Variants in TEK observed in about 807,000 individuals in gnomAD.
TEK encodes the protein angiopoietin-1 receptor.
Under a neutral mutation model 131.8 loss-of-function variants are expected in TEK, and 43 were observed. The ratio of observed to expected loss-of-function variants is 0.33; its 90% confidence interval spans 0.26 to 0.42. The LOEUF (loss-of-function observed/expected upper bound fraction) is 0.42, where lower values mean the gene tolerates loss of function less well. Among genes scored for constraint, TEK ranks in the 10% least tolerant of loss-of-function variants. The pLI is 1.00. For synonymous variants in TEK, 580 were observed against 491.6 expected (o/e 1.18, Z -2.38); for missense variants, 1,162 against 1,384.4 (o/e 0.84, Z 2.55).
intron 18 of TEK, among the ~76,000 whole-genome samples, chr9:27,216,854 A>G (rs1195950054): frequency 6.6e-6 from 1 of 152,124 alleles, no homozygotes. Flanking sequence ...TGCCACTGTG[A>G]AAGTCTGGAC....
intron 1 of TEK, among the ~76,000 whole-genome samples, chr9:27,138,783 C>T (rs997901944): frequency 2.0e-4 from 31 of 152,220 alleles, no homozygotes; most frequent in African/African-American, 6.3e-4. Context: ...TTCGTATATG[C>T]GTGTTACTAG....
intron 1 of TEK, among the ~76,000 whole-genome samples, chr9:27,114,833 G>A (rs1254629546): frequency 6.6e-6 from 1 of 152,156 alleles, no homozygotes. Context: ...TTGTATGATT[G>A]TTGAATATTA....
At chr9:27,109,723 A>G in intron 1 of TEK, 81 bp downstream of exon 1, 1 of 1,398,060 alleles carries the variant, frequency 7.2e-7, no homozygotes, top group African/African-American at 1.4e-5. Flanking sequence ...CCCAAATCTC[A>G]TCAGTGCTGA....
chr9:27,129,546 G>T (rs1047328836), intron 1 of TEK, among the ~76,000 whole-genome samples: 1 of 152,030 alleles, frequency 6.6e-6, no homozygotes, highest in Admixed American at 6.6e-5. Context: ...ATCTCCTCTG[G>T]AAATCTTAGC....
intron 1 of TEK, among the ~76,000 whole-genome samples, chr9:27,115,630 CTT>C (rs1821524916): frequency 6.6e-6 from 1 of 152,186 alleles, no homozygotes; most frequent in Non-Finnish European, 1.5e-5. Context: ...ATTTTTCTGT[CTT>C]TGCAAGAACT....
intron 9 of TEK, among the ~76,000 whole-genome samples, chr9:27,186,647 C>A (rs932224539): frequency 2.0e-5 from 3 of 152,298 alleles, no homozygotes; most frequent in African/African-American, 7.2e-5. Context: ...TGACTCCAAA[C>A]CCAGCACTAT....
chr9:27,163,104 C>T (rs995279723), intron 2 of TEK, among the ~76,000 whole-genome samples: 4 of 152,194 alleles, frequency 2.6e-5, no homozygotes, highest in African/African-American at 7.2e-5. Flanking sequence ...ATATGTATTA[C>T]TAACTTAGTC....
chr9:27,227,104 T>TAAA (rs1826366006), intron 21 of TEK, among the ~76,000 whole-genome samples: 1 of 152,164 alleles, frequency 6.6e-6, no homozygotes, highest in African/African-American at 2.4e-5. Context: ...TATGTTAAAG[T>TAAA]GTAAGCTGTT....
intron 18 of TEK, 37 bp downstream of exon 18, chr9:27,213,634 C>G: frequency 6.7e-7 from 1 of 1,486,280 alleles, no homozygotes; most frequent in South Asian, 1.1e-5. Flanking sequence ...GCATCCTTTC[C>G]GAGGTACTCC....
chr9:27,206,532 A>T (rs1414824610), intron 14 of TEK, 50 bp from the exon 15 acceptor site: 1 of 1,573,172 alleles, frequency 6.4e-7, no homozygotes, highest in Non-Finnish European at 8.7e-7. Flanking sequence ...TATGCCCCTT[A>T]GAATTATGAA....
intron 14 of TEK, among the ~76,000 whole-genome samples, chr9:27,205,913 A>G (rs536264528): frequency 1.3e-5 from 2 of 152,308 alleles, no homozygotes; most frequent in East Asian, 1.9e-4. Context: ...TCCATGCCAG[A>G]GCTGGCTCAA....
At chr9:27,121,349 A>G (rs1821782987) in intron 1 of TEK, among the ~76,000 whole-genome samples, 1 of 152,118 alleles carries the variant, frequency 6.6e-6, no homozygotes, top group South Asian at 2.1e-4. Context: ...TAAAAAAAAT[A>G]GCTTTGCTTT....
Position 27,209,585 on chromosome 9 carries a change from A to C in TEK, c.2686+354A>C, listed in dbSNP as rs1057296594. 2.0e-5 allele frequency among the ~76,000 whole-genome samples: 3 copies of C among 152,292 alleles called. No individual in the cohort carries two copies. The East Asian group carries it at 5.8e-4, about 29-fold the overall frequency. ...ATCAGCTTCTTAATTGCCTACCTTT[A>C]CATTTTTCCTGGAAACCCAGGGAAT... On this transcript the variant is annotated intron_variant, in intron 16 of 22. Coordinates refer to ENST00000380036, the MANE Select transcript of TEK (RefSeq NM_000459.5).
rs1384124068 is a variant in TEK, at chr9:27,109,407, C to T, written c.-184C>T. The T allele has an allele frequency of 1.1e-5, 8 of 700,358 alleles. No individual in the cohort carries two copies. In the East Asian group the frequency reaches 2.0e-4, roughly 17 times the overall value. 43.4% of individuals were successfully genotyped at this position (700,358 alleles called of 1,614,324 possible). On this transcript the variant is annotated 5_prime_UTR_variant, in exon 1 of 23. Transcript: ENST00000380036. The stretch of plus-strand genomic sequence containing the variant: ...AACAGGAAAAAGGAACTTAAAACTC[C>T]CTGTGCTCAGACAGAAATGAGACTG...
At chr9:27,132,085 C>G (rs13291868) in intron 1 of TEK, among the ~76,000 whole-genome samples, 1 of 135,828 alleles carries the variant, frequency 7.4e-6, no homozygotes, top group African/African-American at 2.7e-5. Flanking sequence ...TATTTTTATT[C>G]TTTTTTTTTT....
At chr9:27,163,604 G>C (rs1823621766) in intron 2 of TEK, among the ~76,000 whole-genome samples, 2 of 152,158 alleles carry the variant, frequency 1.3e-5, no homozygotes, top group Admixed American at 1.3e-4. Context: ...TGTGGACCTG[G>C]AGAATGATAA....
Position 27,228,223 on chromosome 9 carries a change from A to T in TEK, c.3218A>T (p.Gln1073Leu). 1 of 1,612,950 alleles carries T rather than the reference A, an allele frequency of 6.2e-7. No individual in the cohort carries two copies. Among genetic ancestry groups the T allele is most frequent in the Non-Finnish European group, 8.5e-7 (1 of 1,179,130 alleles). Residue 1073 changes from glutamine to leucine, a missense_variant, in exon 22 of 23, where the codon CAA becomes CTA. Transcript: ENST00000380036. ...CDDEVYDLMR[Q>L]CWREKPYERP... ...TTTCGAAGGTATGATCTAATGAGAC[A>T]ATGCTGGCGGGAGAAGCCTTATGAG...
intron 11 of TEK, chr9:27,195,690 G>T (rs1380725216): frequency 2.2e-6 from 1 of 455,956 alleles, no homozygotes; most frequent in African/African-American, 2.0e-5. Context: ...AAGACATCTC[G>T]AAAGAAGGAA....
At chr9:27,111,581 CAG>C (rs1821350514) in intron 1 of TEK, among the ~76,000 whole-genome samples, 1 of 149,772 alleles carries the variant, frequency 6.7e-6, no homozygotes, top group Non-Finnish European at 1.5e-5. Flanking sequence ...CTCTGGATGA[CAG>C]AGTTGTTTAC....
Sources: gnomAD v4.1 joint callset for allele counts (sites outside exome capture counted in the v4.1 genomes callset) on GRCh38, gnomAD v4.1.1 for gene constraint, MANE v1.5 for transcripts, NCBI Gene and HGNC (gene_info 2026-07-23, HGNC 2026-07-21) for gene names.